The following RHOT1 variants were observed in gnomAD, a reference collection of about 807,000 sequenced individuals.
RHOT1 encodes the protein ras homolog family member T1.
In RHOT1, 27 loss-of-function variants were observed where a neutral mutation model predicts 95.3. That is an observed-to-expected ratio of 0.28 (90% CI 0.21 to 0.39). RHOT1 has a LOEUF of 0.39. RHOT1 is among the 10% of genes least tolerant of loss of function. RHOT1 has a pLI of 1.00. For missense variants in RHOT1, 578 were observed against 786.7 expected, an observed-to-expected ratio of 0.73 and a Z score of 3.17; for synonymous variants, 227 against 263.5, an observed-to-expected ratio of 0.86 and a Z score of 1.34.
intron 19 of RHOT1, among the ~76,000 whole-genome samples, chr17:32,216,066 A>T (rs2038456605): frequency 6.6e-6 from 1 of 152,188 alleles, no homozygotes; most frequent in Non-Finnish European, 1.5e-5. Flanking sequence ...GAAAATGATT[A>T]TATATAGATG....
At chr17:32,168,704 T>G (rs1051573215) in intron 1 of RHOT1, among the ~76,000 whole-genome samples, 4 of 151,498 alleles carry the variant, frequency 2.6e-5, no homozygotes, top group African/African-American at 9.7e-5. Context: ...CACCATTCCC[T>G]TTCGGTGTTG....
At chr17:32,183,309 G>A (rs1387881127) in intron 8 of RHOT1, 37 bp downstream of exon 8, 11 of 1,188,372 alleles carry the variant, frequency 9.3e-6, no homozygotes, top group Non-Finnish European at 1.2e-5. Flanking sequence ...GAATGTGTAT[G>A]TAGTAACTCT....
chr17:32,153,790 A>G (rs1163608626), intron 1 of RHOT1, among the ~76,000 whole-genome samples: 1 of 152,246 alleles, frequency 6.6e-6, no homozygotes, highest in African/African-American at 2.4e-5. Flanking sequence ...GGGAATAGTC[A>G]GGTGCAGAAG....
At chr17:32,176,754 A>G (rs192418981) in intron 6 of RHOT1, among the ~76,000 whole-genome samples, 11 of 151,852 alleles carry the variant, frequency 7.2e-5, no homozygotes, top group African/African-American at 1.9e-4. Context: ...CGTATTTTTT[A>G]GTAGAGAGGG....
chr17:32,216,239 T>A (rs2038466902), intron 19 of RHOT1, among the ~76,000 whole-genome samples: 1 of 152,120 alleles, frequency 6.6e-6, no homozygotes, highest in Admixed American at 6.5e-5. Flanking sequence ...TGTTTGTTTG[T>A]GTAACTTAGT....
chr17:32,152,427 G>T (rs1026137081), intron 1 of RHOT1, among the ~76,000 whole-genome samples: 5 of 152,192 alleles, frequency 3.3e-5, no homozygotes, highest in East Asian at 1.9e-4. Flanking sequence ...AAAAGCAGAA[G>T]GAGACTGTGA....
At chr17:32,201,562 G>A (rs1278097672) in intron 14 of RHOT1, among the ~76,000 whole-genome samples, 1 of 152,124 alleles carries the variant, frequency 6.6e-6, no homozygotes, top group Non-Finnish European at 1.5e-5. Context: ...GGAAGCCCTA[G>A]CACAAGAAGA....
At chr17:32,201,679 G>A (rs1211892876) in intron 14 of RHOT1, among the ~76,000 whole-genome samples, 1 of 152,182 alleles carries the variant, frequency 6.6e-6, no homozygotes, top group African/African-American at 2.4e-5. Context: ...AGCCAGCCAT[G>A]AGGTTCTTTC....
At chr17:32,153,323 C>T (rs1057109233) in intron 1 of RHOT1, among the ~76,000 whole-genome samples, 2 of 152,120 alleles carry the variant, frequency 1.3e-5, no homozygotes, top group Admixed American at 6.5e-5. Context: ...TTTTTGCCAT[C>T]CTTAGTATAG....
chr17:32,192,331 T>TA, intron 9 of RHOT1, 32 bp downstream of exon 9: 147 of 813,346 alleles, frequency 1.8e-4, no homozygotes, highest in Non-Finnish European at 2.6e-4. Flanking sequence ...CATTTGCGTA[T>TA]CTTTTTTTTT....
At chr17:32,197,453 C>A (rs187423040) in intron 11 of RHOT1, among the ~76,000 whole-genome samples, 390 of 150,806 alleles carry the variant, frequency 2.6e-3, no homozygotes, top group African/African-American at 8.9e-3. Context: ...GAGATGGAGT[C>A]TCGCTCTGTC....
intron 1 of RHOT1, among the ~76,000 whole-genome samples, chr17:32,146,443 TA>T (rs2031338758): frequency 6.6e-6 from 1 of 151,604 alleles, no homozygotes; most frequent in Non-Finnish European, 1.5e-5. Context: ...TTATTATTAT[TA>T]TTTTTATTTT....
At chr17:32,150,141 G>A (rs2032107632) in intron 1 of RHOT1, among the ~76,000 whole-genome samples, 1 of 152,110 alleles carries the variant, frequency 6.6e-6, no homozygotes, top group Non-Finnish European at 1.5e-5. Flanking sequence ...GGTTAGGTAG[G>A]GAGGCCCTAA....
At chr17:32,149,635 A>ATATATATGTGTGTGTGTGTGTGTG (rs1445281403) in intron 1 of RHOT1, among the ~76,000 whole-genome samples, 3 of 59,094 alleles carry the variant, frequency 5.1e-5, no homozygotes, top group African/African-American at 1.1e-4. Flanking sequence ...ATATATATAT[A>ATATATATGTGTGTGTGTGTGTGTG]TGTGTGTGTG....
At chr17:32,215,121 T>G (rs1661328435) in intron 19 of RHOT1, among the ~76,000 whole-genome samples, 1 of 152,002 alleles carries the variant, frequency 6.6e-6, no homozygotes. Flanking sequence ...CTCGAACTCC[T>G]GACTTCAGGT....
In RHOT1 at chr17:32,192,209, A is replaced by G. The variant is rs1445405470; in HGVS notation, c.549A>G (p.Pro183=). 1.4e-6 allele frequency: 2 copies of G among 1,465,150 alleles called. No homozygotes were observed. The highest frequency in any genetic ancestry group is 2.3e-5 in the East Asian group (1 of 43,622). 90.8% of individuals were successfully genotyped at this position (1,465,150 alleles called of 1,614,324 possible). ...TTCTCAATGATTTATAGATGAAACCAGCTTGTATAAAAGCCCTTACTCGTA... is the reference window on the plus strand; with the variant it reads ...TTCTCAATGATTTATAGATGAAACCGGCTTGTATAAAAGCCCTTACTCGTA... ...LYCPEEKEMK[P]ACIKALTRIF... Residue 183 remains proline, a synonymous_variant, in exon 9 of 20, where the codon CCA becomes CCG. Transcript: ENST00000545287.
At chr17:32,158,025 T>C (rs542974493) in intron 1 of RHOT1, among the ~76,000 whole-genome samples, 78 of 152,202 alleles carry the variant, frequency 5.1e-4, no homozygotes, top group African/African-American at 1.8e-3. Flanking sequence ...CCTGCTAGTT[T>C]TTGTATTTCT....
intron 1 of RHOT1, among the ~76,000 whole-genome samples, chr17:32,165,055 CCGGGCGTGGGCGTGGTG>C (rs2033929129): frequency 6.6e-6 from 1 of 151,604 alleles, no homozygotes; most frequent in African/African-American, 2.4e-5. Context: ...AAAAACAGGG[CCGGGCGTGGGCGTGGTG>C]GCTTACGCCT....
At position 32,178,761 on chromosome 17, in the gene RHOT1, C is replaced by T. The variant is rs531742607; in HGVS notation, c.329+2548C>T. ...GGTGAGGAGCGCCTCTGCCTGGCTGCCCCGTCTGGGAAGTGAGGAGAGCCT... is the reference window on the plus strand; with the variant it reads ...GGTGAGGAGCGCCTCTGCCTGGCTGTCCCGTCTGGGAAGTGAGGAGAGCCT... On this transcript the variant is annotated intron_variant, in intron 6 of 19. Coordinates refer to ENST00000545287, the MANE Select transcript of RHOT1 (RefSeq NM_001033566.3). Among the ~76,000 whole-genome samples the T allele has an allele frequency of 6.6e-3, 1,001 of 150,748 alleles. 15 individuals are homozygous for T. The highest frequency in any genetic ancestry group is 0.023 in the African/African-American group (939 of 40,836).
Sources: allele counts gnomAD v4.1 joint callset (sites outside exome capture counted in the v4.1 genomes callset), GRCh38; gene constraint gnomAD v4.1.1; transcripts MANE v1.5; gene names NCBI Gene and HGNC (gene_info 2026-07-23, HGNC 2026-07-21).